Variants in FAM227B observed in about 807,000 individuals in gnomAD.
The protein encoded by FAM227B is protein FAM227B.
FAM227B carries 88 observed loss-of-function variants against 73.8 expected under a neutral mutation model. That is an observed-to-expected ratio of 1.19 (90% CI 1.00 to 1.42). FAM227B has a LOEUF of 1.42. Ranked by LOEUF, FAM227B falls within the 40% of genes most tolerant of loss-of-function variation. The pLI is 0.00. For synonymous variants in FAM227B, 210 were observed against 190.5 expected, an observed-to-expected ratio of 1.10 and a Z score of -0.84; for missense variants, 632 against 590.9, an observed-to-expected ratio of 1.07 and a Z score of -0.72.
intron 11 of FAM227B, among the ~76,000 whole-genome samples, chr15:49,458,646 C>G (rs1202520705): frequency 6.6e-6 from 1 of 152,050 alleles, no homozygotes; most frequent in Non-Finnish European, 1.5e-5. Context: ...TTCTGACTTT[C>G]ATACAAATGG....
At chr15:49,394,002 G>A (rs192517113) in intron 11 of FAM227B, among the ~76,000 whole-genome samples, 129 of 152,258 alleles carry the variant, frequency 8.5e-4, no homozygotes, top group Non-Finnish European at 7.9e-4. Context: ...AAACACTTGA[G>A]AATCTTTTTA....
intron 11 of FAM227B, among the ~76,000 whole-genome samples, chr15:49,395,354 G>A (rs1215940783): frequency 6.6e-6 from 1 of 152,054 alleles, no homozygotes; most frequent in Non-Finnish European, 1.5e-5. Context: ...CTTCAATAAT[G>A]AGAAAAAAGT....
intron 13 of FAM227B, among the ~76,000 whole-genome samples, chr15:49,346,976 A>T (rs2041596992): frequency 6.6e-6 from 1 of 152,196 alleles, no homozygotes; most frequent in South Asian, 2.1e-4. Flanking sequence ...TATCAAAAAC[A>T]TTTTTTAAAA....
chr15:49,346,490 C>G (rs576660675), intron 13 of FAM227B, among the ~76,000 whole-genome samples: 1 of 152,248 alleles, frequency 6.6e-6, no homozygotes, highest in African/African-American at 2.4e-5. Flanking sequence ...GATGTGAGAG[C>G]TGTTCTCCTG....
intron 8 of FAM227B, among the ~76,000 whole-genome samples, chr15:49,572,504 T>C (rs970005021): frequency 3.3e-5 from 5 of 152,104 alleles, no homozygotes; most frequent in Admixed American, 6.6e-5. Context: ...CTTTGACCCA[T>C]TGGTTGTTCA....
intron 3 of FAM227B, chr15:49,606,064 G>C (rs2077500654): frequency 1.3e-5 from 2 of 152,270 alleles, no homozygotes; most frequent in Admixed American, 6.5e-5. Context: ...TTGGTAACTT[G>C]AAAATGTCCT....
chr15:49,406,537 C>G (rs1391506868), intron 11 of FAM227B, among the ~76,000 whole-genome samples: 1 of 151,858 alleles, frequency 6.6e-6, no homozygotes, highest in Admixed American at 6.6e-5. Context: ...CTTAGCTTCA[C>G]TCCCACAGCA....
intron 11 of FAM227B, among the ~76,000 whole-genome samples, chr15:49,504,636 C>T (rs894513755): frequency 5.9e-5 from 9 of 152,070 alleles, no homozygotes; most frequent in African/African-American, 2.2e-4. Context: ...ACCTCCCTTC[C>T]ACTTTCTCTC....
At chr15:49,443,838 T>C (rs1395870893) in intron 11 of FAM227B, among the ~76,000 whole-genome samples, 2 of 151,762 alleles carry the variant, frequency 1.3e-5, no homozygotes, top group African/African-American at 4.8e-5. Flanking sequence ...ATTATTTATA[T>C]GCTTGTGTGC....
chr15:49,458,028 C>A (rs1409308516), intron 11 of FAM227B, among the ~76,000 whole-genome samples: 1 of 151,798 alleles, frequency 6.6e-6, no homozygotes, highest in Non-Finnish European at 1.5e-5. Context: ...CACTTTATAG[C>A]AAGATTGTTG....
intron 10 of FAM227B, among the ~76,000 whole-genome samples, chr15:49,510,206 T>C (rs1264640099): frequency 6.6e-6 from 1 of 152,190 alleles, no homozygotes; most frequent in Admixed American, 6.6e-5. Flanking sequence ...GCTAACTTTC[T>C]ATTCTTTACA....
At chr15:49,500,815 G>A (rs527515348) in intron 11 of FAM227B, among the ~76,000 whole-genome samples, 232 of 152,292 alleles carry the variant, frequency 1.5e-3, no homozygotes, top group African/African-American at 5.3e-3. Flanking sequence ...CTCAAGAATG[G>A]CTGGGGCCAT....
chr15:49,380,758 T>G (rs11632575), intron 11 of FAM227B, among the ~76,000 whole-genome samples: 25,367 of 152,018 alleles, frequency 0.17, 2,385 homozygotes, highest in Non-Finnish European at 0.21. Context: ...GCTAAACACT[T>G]GAGCTACTTA....
At chr15:49,524,226 T>C (rs10162802) in intron 10 of FAM227B, among the ~76,000 whole-genome samples, 48,113 of 151,974 alleles carry the variant, frequency 0.32, 8,201 homozygotes, top group African/African-American at 0.42. Flanking sequence ...AAGGGAAAGA[T>C]GGTTTTGTCA....
chr15:49,396,380 A>T (rs1221040071), intron 11 of FAM227B: 1 of 239,610 alleles, frequency 4.2e-6, no homozygotes, highest in South Asian at 3.9e-5. Flanking sequence ...CTAGCACAGC[A>T]GTCTGAGATC....
At chr15:49,461,348 T>C (rs1194459250) in intron 11 of FAM227B, among the ~76,000 whole-genome samples, 1 of 152,230 alleles carries the variant, frequency 6.6e-6, no homozygotes, top group African/African-American at 2.4e-5. Flanking sequence ...TGAGTAGGTA[T>C]ACAGTCAATA....
chr15:49,379,054 A>G (rs2046351496), intron 11 of FAM227B, among the ~76,000 whole-genome samples: 1 of 106,696 alleles, frequency 9.4e-6, no homozygotes, highest in Non-Finnish European at 2.3e-5. Flanking sequence ...TGAAAGGATC[A>G]TATCATTTTT....
At chr15:49,460,895 T>C (rs2053733866) in intron 11 of FAM227B, among the ~76,000 whole-genome samples, 1 of 152,238 alleles carries the variant, frequency 6.6e-6, no homozygotes, top group African/African-American at 2.4e-5. Context: ...GCATTTGGTT[T>C]GTTTTTAATT....
rs2037875041 is a variant in FAM227B, at chr15:49,328,244, T to C, written c.*324A>G. 17 of 1,497,176 alleles carry C rather than the reference T, an allele frequency of 1.1e-5. No homozygotes were observed. The South Asian group carries it at 2.3e-4, about 20-fold the overall frequency. 92.7% of individuals were successfully genotyped at this position (1,497,176 alleles called of 1,614,324 possible). On this transcript the variant is annotated 3_prime_UTR_variant, in exon 16 of 16. Coordinates refer to ENST00000299338, the MANE Select transcript of FAM227B (RefSeq NM_152647.3). ...TGTGCCACAGTAAATTAATCTTCCT[T>C]CTGTTTTGTATTATGATGAACGGTT...
Sources: allele counts gnomAD v4.1 joint callset (sites outside exome capture counted in the v4.1 genomes callset), GRCh38; gene constraint gnomAD v4.1.1; transcripts MANE v1.5; gene names NCBI Gene and HGNC (gene_info 2026-07-23, HGNC 2026-07-21).